The following HORMAD1 variants were observed in gnomAD, a reference collection of about 807,000 sequenced individuals.
HORMAD1 encodes the protein HORMA domain containing 1, also known as HORMA domain-containing protein 1.
Under a neutral mutation model 58.2 loss-of-function variants are expected in HORMAD1, and 33 were observed. The observed-to-expected ratio is 0.57, with a 90% CI of 0.43 to 0.76. HORMAD1 has a LOEUF of 0.76. Among genes scored for constraint, HORMAD1 ranks in the 30% least tolerant of loss-of-function variants. The pLI is 0.00. For missense variants in HORMAD1, 363 were observed against 462.0 expected, an observed-to-expected ratio of 0.79 and a Z score of 1.96; for synonymous variants, 137 against 144.6, an observed-to-expected ratio of 0.95 and a Z score of 0.38.
intron 1 of HORMAD1, among the ~76,000 whole-genome samples, chr1:150,720,054 C>A (rs1304222659): frequency 7.5e-6 from 1 of 133,708 alleles, no homozygotes; most frequent in Non-Finnish European, 1.7e-5. Context: ...GCTGGGACCA[C>A]AGGTGCCCAC....
intron 4 of HORMAD1, 142 bp from the exon 5 acceptor site, chr1:150,714,263 C>A: frequency 3.7e-6 from 2 of 533,402 alleles, no homozygotes; most frequent in Non-Finnish European, 6.7e-6. Flanking sequence ...TAGCTTAAAA[C>A]AAGACAAAAC....
chr1:150,716,806 A>G (rs1652094279), intron 3 of HORMAD1, among the ~76,000 whole-genome samples: 2 of 151,722 alleles, frequency 1.3e-5, no homozygotes, highest in South Asian at 4.2e-4. Context: ...TACTAAAAAT[A>G]CAAAAAATTA....
At chr1:150,712,167 A>G (rs1263193806) in intron 5 of HORMAD1, among the ~76,000 whole-genome samples, 1 of 152,222 alleles carries the variant, frequency 6.6e-6, no homozygotes, top group Non-Finnish European at 1.5e-5. Flanking sequence ...ATAACACAAT[A>G]TATGTGTTAT....
chr1:150,715,256 A>G (rs771189041), intron 3 of HORMAD1, among the ~76,000 whole-genome samples: 2 of 152,196 alleles, frequency 1.3e-5, no homozygotes, highest in Non-Finnish European at 2.9e-5. Flanking sequence ...ATGAAATTAG[A>G]TATGTTGCTT....
At chr1:150,717,723 G>A (rs1308313631) in intron 2 of HORMAD1, among the ~76,000 whole-genome samples, 1 of 152,112 alleles carries the variant, frequency 6.6e-6, no homozygotes, top group Non-Finnish European at 1.5e-5. Flanking sequence ...ACAAGGTCAG[G>A]AGTTCAAGAC....
intron 5 of HORMAD1, among the ~76,000 whole-genome samples, chr1:150,712,652 G>A (rs994708319): frequency 2.6e-5 from 4 of 152,068 alleles, no homozygotes; most frequent in African/African-American, 7.2e-5. Flanking sequence ...AGGTTCAAGC[G>A]ATTCTCCTGC....
intron 8 of HORMAD1, 22 bp from the exon 9 acceptor site, chr1:150,708,429 AT>A: frequency 6.6e-7 from 1 of 1,508,410 alleles, no homozygotes; most frequent in Non-Finnish European, 9.0e-7. Flanking sequence ...TCACATATTA[AT>A]TTATTTTATA....
chr1:150,713,950 T>C, intron 5 of HORMAD1, 135 bp downstream of exon 5: 1 of 658,546 alleles, frequency 1.5e-6, no homozygotes, highest in Non-Finnish European at 2.7e-6. Context: ...TATTCAAATG[T>C]TTAGGCTTTT....
intron 13 of HORMAD1, among the ~76,000 whole-genome samples, chr1:150,703,101 T>C (rs1651584152): frequency 6.6e-6 from 1 of 152,172 alleles, no homozygotes; most frequent in African/African-American, 2.4e-5. Flanking sequence ...TGGCTCTGTA[T>C]CATTGCTTGT....
chr1:150,714,123 T>TAA lies in HORMAD1; in HGVS notation c.243-4_243-3dup. 35 of 1,343,476 alleles carry TAA rather than the reference T, an allele frequency of 2.6e-5. No individual in the cohort carries two copies. Among genetic ancestry groups the TAA allele is most frequent in the African/African-American group, 4.4e-5 (3 of 68,082 alleles). The allele number at this position is 1,343,476 out of a possible 1,614,324, so 83.2% of individuals were successfully genotyped here. ...AAAGCATCATAACATCCTAGCATCC[T>TAA]AAAAAAAAAATCAAGGATTCATTTT... On this transcript the variant is annotated splice_polypyrimidine_tract_variant and splice_region_variant and intron_variant, in intron 4 of 14. Coordinates refer to ENST00000361824, the MANE Select transcript of HORMAD1 (RefSeq NM_032132.5).
intron 2 of HORMAD1, among the ~76,000 whole-genome samples, chr1:150,718,344 ATTTTTTT>A (rs34258924): frequency 7.9e-5 from 10 of 125,852 alleles, no homozygotes; most frequent in Non-Finnish European, 1.0e-4. Context: ...TGCCTGGCTA[ATTTTTTT>A]TTTTTTTTTT....
intron 3 of HORMAD1, among the ~76,000 whole-genome samples, chr1:150,716,764 C>G (rs955494963): frequency 1.3e-5 from 2 of 150,424 alleles, no homozygotes; most frequent in Non-Finnish European, 3.0e-5. Flanking sequence ...GAAATCGAGA[C>G]CATCCTGGCT....
At chr1:150,720,394 G>A (rs1241402604) in intron 1 of HORMAD1, among the ~76,000 whole-genome samples, 1 of 152,126 alleles carries the variant, frequency 6.6e-6, no homozygotes, top group Admixed American at 6.6e-5. Context: ...GTGGAGACGG[G>A]GTTTCGCCAT....
intron 5 of HORMAD1, among the ~76,000 whole-genome samples, chr1:150,713,575 T>C (rs2101879266): frequency 6.6e-6 from 1 of 152,210 alleles, no homozygotes; most frequent in Middle Eastern, 3.4e-3. Flanking sequence ...ATTAGCCTAG[T>C]GCTGGACTTC....
chr1:150,712,214 AAGC>A (rs1418739565), intron 5 of HORMAD1, among the ~76,000 whole-genome samples: 17 of 152,296 alleles, frequency 1.1e-4, no homozygotes, highest in South Asian at 4.1e-4. Flanking sequence ...AAAAAAGAAA[AAGC>A]AGAGTTCAGG....
chr1:150,720,101 GTCTC>G (rs1361676984), intron 1 of HORMAD1, among the ~76,000 whole-genome samples: 2 of 147,978 alleles, frequency 1.4e-5, no homozygotes, highest in African/African-American at 2.5e-5. Context: ...TCGAGACGGT[GTCTC>G]TCTCTGTTGC....
At chr1:150,707,961 C>T (rs1651749961) in intron 9 of HORMAD1, among the ~76,000 whole-genome samples, 1 of 152,054 alleles carries the variant, frequency 6.6e-6, no homozygotes, top group South Asian at 2.1e-4. Flanking sequence ...CCTGTTTCCC[C>T]ACATCCTTAT....
intron 5 of HORMAD1, among the ~76,000 whole-genome samples, chr1:150,712,140 A>AT (rs1249615833): frequency 6.6e-6 from 1 of 152,140 alleles, no homozygotes; most frequent in Non-Finnish European, 1.5e-5. Context: ...ACAAGGAAAA[A>AT]ATATATATAT....
In HORMAD1 at chr1:150,703,320, T is replaced by G. The variant is rs886211651; in HGVS notation, c.1022A>C (p.Gln341Pro). ...TAAAGAGATATTTACCATTTTATTC[T>G]GAAAGACTTTTCCACTTCTTGTTTT... is the stretch of plus-strand genomic sequence containing the variant. The part of the protein sequence containing the change: ...ESKTRSGKVF[Q>P]NKMANGNQPV... The change falls in exon 13 of 15, where the codon CAG (glutamine) becomes CCG (proline). Residue 341 changes from glutamine to proline, a missense_variant. Gln to Pro is a moderately conservative substitution (Grantham distance 76). This residue lies in a region of HORMAD1 where 226 missense variants were observed against 257.8 expected (regional missense o/e 0.88). Transcript: ENST00000361824. The G allele has an allele frequency of 7.1e-6, 11 of 1,541,712 alleles. No homozygotes were observed. In the Middle Eastern group the frequency reaches 6.8e-4, roughly 95 times the overall value.
Sources: gnomAD v4.1 joint callset for allele counts (sites outside exome capture counted in the v4.1 genomes callset) on GRCh38, gnomAD v4.1.1 for gene constraint, gnomAD v4.1.1 regional missense constraint, MANE v1.5 for transcripts, NCBI Gene and HGNC (gene_info 2026-07-23, HGNC 2026-07-21) for gene names.